AGBL1: variants seen among roughly 807,000 people sequenced by gnomAD.
AGBL1 encodes the protein AGBL carboxypeptidase 1, also known as cytosolic carboxypeptidase 4.
In AGBL1, 130 loss-of-function variants were observed where a neutral mutation model predicts 118.9. That is an observed-to-expected ratio of 1.09 (90% CI 0.95 to 1.26). The LOEUF (loss-of-function observed/expected upper bound fraction) is 1.26, where lower values mean the gene tolerates loss of function less well. Among genes scored for constraint, AGBL1 ranks in the 50% most tolerant of loss-of-function variants. The pLI is 0.00. For missense variants in AGBL1, 1,584 were observed against 1,298.1 expected, an observed-to-expected ratio of 1.22 and a Z score of -3.38; for synonymous variants, 555 against 478.9, an observed-to-expected ratio of 1.16 and a Z score of -2.08.
chr15:86,451,470 T>G (rs1183184730), intron 18 of AGBL1, among the ~76,000 whole-genome samples: 2 of 152,246 alleles, frequency 1.3e-5, no homozygotes, highest in African/African-American at 2.4e-5. Flanking sequence ...CAGCCTTTCT[T>G]AGGCTTCTGA....
chr15:86,971,113 C>G (rs558268212), intron 23 of AGBL1, among the ~76,000 whole-genome samples: 1 of 151,962 alleles, frequency 6.6e-6, no homozygotes, highest in African/African-American at 2.4e-5. Context: ...AGGGACAACT[C>G]GAATTCAGGA....
chr15:86,817,461 G>GAT (rs1567188319), intron 22 of AGBL1, among the ~76,000 whole-genome samples: 4 of 61,348 alleles, frequency 6.5e-5, no homozygotes, highest in South Asian at 1.0e-3. Context: ...GTCTCTGAGA[G>GAT]ATACACACAC....
intron 22 of AGBL1, among the ~76,000 whole-genome samples, chr15:86,870,254 C>G (rs781342072): frequency 4.9e-4 from 75 of 151,874 alleles, no homozygotes; most frequent in Non-Finnish European, 1.2e-4. Flanking sequence ...AATACTTTAT[C>G]TCTATTTTTC....
At chr15:86,746,970 G>A (rs16977955) in intron 22 of AGBL1, among the ~76,000 whole-genome samples, 32,331 of 151,758 alleles carry the variant, frequency 0.21, 3,703 homozygotes, top group East Asian at 0.41. Flanking sequence ...TGATAAGATC[G>A]CATGAAAAAA....
chr15:86,534,571 ATTTTCTTTAACCCAGG>A (rs1489258629), intron 19 of AGBL1, among the ~76,000 whole-genome samples: 1 of 151,976 alleles, frequency 6.6e-6, no homozygotes, highest in Non-Finnish European at 1.5e-5. Context: ...CTCCATTCCC[ATTTTCTTTAACCCAGG>A]TTTTCTGTCT....
At position 86,648,350 on chromosome 15, in the gene AGBL1, G is replaced by A. The variant is rs560060308; in HGVS notation, c.2995-25923G>A. On this transcript the variant is annotated intron_variant, in intron 21 of 22. Transcript: ENST00000614907. ...GATCAGATTCTGAATATATGTTGAA[G>A]GCAGAGCCAATAGGACTTTATGATG... Among the ~76,000 whole-genome samples the A allele has an allele frequency of 4.3e-4, 66 of 152,286 alleles. No homozygotes were observed. The South Asian group carries it at 6.4e-3, about 15-fold the overall frequency.
chr15:86,556,954 C>T (rs78656696), intron 21 of AGBL1, among the ~76,000 whole-genome samples: 2,320 of 152,244 alleles, frequency 0.015, 69 homozygotes, highest in African/African-American at 0.052. Context: ...AATGAAATAT[C>T]ATTCTTTACA....
intron 3 of AGBL1, among the ~76,000 whole-genome samples, chr15:86,148,572 A>G (rs900313863): frequency 2.0e-5 from 3 of 152,248 alleles, no homozygotes; most frequent in Non-Finnish European, 4.4e-5. Flanking sequence ...AGACAAGGTT[A>G]GAGAAAAAAG....
rs558110165 is a variant in AGBL1, at chr15:86,667,154, T to G, written c.2995-7119T>G. The stretch of plus-strand genomic sequence containing the variant: ...AAATACTCTCTAAATCATTTATATT[T>G]TTATATATTTATATTTCTGAACATA... On this transcript the variant is annotated intron_variant, in intron 21 of 22. Coordinates refer to ENST00000614907, the MANE Select transcript of AGBL1 (RefSeq NM_001386094.1). 9.2e-4 allele frequency among the ~76,000 whole-genome samples: 140 copies of G among 152,044 alleles called. 1 individual carries two copies. The highest frequency in any genetic ancestry group is 1.7e-3 in the Non-Finnish European group (116 of 68,006).
rs78129388 is a variant in AGBL1 at position 86,591,113 on chromosome 15, C to T, written c.2994+36576C>T. 1.7e-3 allele frequency among the ~76,000 whole-genome samples: 255 copies of T among 152,284 alleles called. 1 individual carries two copies. In the East Asian group the frequency reaches 0.023, roughly 14 times the overall value. On this transcript the variant is annotated intron_variant, in intron 21 of 22. Transcript: ENST00000614907. ...CATGATTTATCTCTCTTAACCTTGA[C>T]GCTTAAAGGTGTCCCTCAATTTGTG...
chr15:86,341,567 A>C (rs900106996), intron 17 of AGBL1, among the ~76,000 whole-genome samples: 95 of 152,330 alleles, frequency 6.2e-4, no homozygotes, highest in Admixed American at 3.3e-4. Flanking sequence ...CAGAAATGGC[A>C]GTCCTCAGGT....
At chr15:86,777,121 T>G (rs534334672) in intron 22 of AGBL1, among the ~76,000 whole-genome samples, 1 of 152,184 alleles carries the variant, frequency 6.6e-6, no homozygotes, top group East Asian at 1.9e-4. Flanking sequence ...GGACAGCCAA[T>G]TAATGGTCCC....
intron 18 of AGBL1, among the ~76,000 whole-genome samples, chr15:86,512,631 T>G (rs1042821410): frequency 4.3e-4 from 66 of 151,810 alleles, no homozygotes; most frequent in African/African-American, 1.6e-3. Flanking sequence ...CTTTTGATCC[T>G]TGGCTTTTTC....
At chr15:86,482,198 C>G (rs1029838460) in intron 18 of AGBL1, among the ~76,000 whole-genome samples, 1 of 152,124 alleles carries the variant, frequency 6.6e-6, no homozygotes, top group Non-Finnish European at 1.5e-5. Flanking sequence ...AAAATAATAA[C>G]AAGGCTAGCC....
At chr15:86,670,600 G>GACACACACAC (rs9302341) in intron 21 of AGBL1, among the ~76,000 whole-genome samples, 4,260 of 133,136 alleles carry the variant, frequency 0.032, 145 homozygotes, top group African/African-American at 0.078. Context: ...GTGAAACTCT[G>GACACACACAC]ACACACACAC....
At chr15:86,925,715 C>CTT (rs2080529772) in intron 23 of AGBL1, among the ~76,000 whole-genome samples, 1 of 135,982 alleles carries the variant, frequency 7.4e-6, no homozygotes, top group Non-Finnish European at 1.6e-5. Context: ...TTTTCTTTTT[C>CTT]TTTTCTTTTT....
At chr15:86,693,365 T>G (rs1256367145) in intron 22 of AGBL1, among the ~76,000 whole-genome samples, 1 of 152,204 alleles carries the variant, frequency 6.6e-6, no homozygotes, top group Non-Finnish European at 1.5e-5. Context: ...ATGCTAAGCA[T>G]TTTTTCATAT....
At chr15:86,314,010 G>A (rs993848560) in intron 17 of AGBL1, among the ~76,000 whole-genome samples, 2 of 152,190 alleles carry the variant, frequency 1.3e-5, no homozygotes, top group African/African-American at 4.8e-5. Context: ...GGTGATATCA[G>A]AATCATAAAC....
intron 18 of AGBL1, among the ~76,000 whole-genome samples, chr15:86,441,466 T>C (rs16977203): frequency 0.043 from 6,617 of 152,250 alleles, 230 homozygotes; most frequent in East Asian, 0.15. Flanking sequence ...TTTTAATGAC[T>C]CATTCTGTTT....
Sources: allele counts gnomAD v4.1 joint callset (sites outside exome capture counted in the v4.1 genomes callset), GRCh38; gene constraint gnomAD v4.1.1; transcripts MANE v1.5; gene names NCBI Gene and HGNC (gene_info 2026-07-23, HGNC 2026-07-21).